The following RIMS2 variants were observed in gnomAD, a reference collection of about 807,000 sequenced individuals.
The protein encoded by RIMS2 is regulating synaptic membrane exocytosis 2, also known as regulating synaptic membrane exocytosis protein 2.
A neutral mutation model predicts 174.4 loss-of-function variants in RIMS2; 59 were observed. The ratio of observed to expected loss-of-function variants is 0.34; its 90% CI spans 0.27 to 0.42. The LOEUF (loss-of-function observed/expected upper bound fraction) is 0.42, where lower values mean the gene tolerates loss of function less well. Ranked by LOEUF, RIMS2 falls within the 10% of genes least tolerant of loss-of-function variation. The pLI, the probability that RIMS2 is intolerant of heterozygous loss-of-function variation, is 1.00. For missense variants in RIMS2, 1,620 were observed against 1,666.3 expected, an observed-to-expected ratio of 0.97 and a Z score of 0.48; for synonymous variants, 606 against 572.5, an observed-to-expected ratio of 1.06 and a Z score of -0.84.
Position 103,606,432 on chromosome 8 carries a change from A to C in RIMS2, c.177-90654A>C, listed in dbSNP as rs564791876. 2.0e-5 allele frequency among the ~76,000 whole-genome samples: 3 copies of C among 152,066 alleles called. No individual in the cohort carries two copies. The South Asian group carries it at 6.3e-4, about 32-fold the overall frequency. On this transcript the variant is annotated intron_variant, in intron 1 of 23. Coordinates refer to ENST00000504942, the Ensembl canonical transcript of RIMS2. The stretch of plus-strand genomic sequence containing the variant: ...AGCTTTACTTCCAAGTATGTGGTCA[A>C]TTTTGGAATAAGTGTGGTGTGGTGC...
intron 19 of RIMS2, among the ~76,000 whole-genome samples, chr8:104,031,693 A>G (rs2096396360): frequency 6.6e-6 from 1 of 152,124 alleles, no homozygotes; most frequent in Non-Finnish European, 1.5e-5. Context: ...TTACATGGGA[A>G]GACCAGCAGA....
chr8:104,124,258 ATG>A (rs889182664), intron 19 of RIMS2, among the ~76,000 whole-genome samples: 7 of 152,192 alleles, frequency 4.6e-5, no homozygotes, highest in Non-Finnish European at 1.0e-4. Flanking sequence ...AAAAAGGAAA[ATG>A]TGAATAGCTG....
chr8:103,761,688 G>A (rs997585259), intron 2 of RIMS2, among the ~76,000 whole-genome samples: 1 of 152,186 alleles, frequency 6.6e-6, no homozygotes, highest in African/African-American at 2.4e-5. Context: ...GAAATAAGTT[G>A]TTGAATAGCT....
intron 15 of RIMS2, among the ~76,000 whole-genome samples, chr8:103,968,276 T>G (rs1017761675): frequency 6.6e-6 from 1 of 152,208 alleles, no homozygotes; most frequent in Non-Finnish European, 1.5e-5. Flanking sequence ...GCCTCATTTT[T>G]TTAATCGAAT....
chr8:104,113,987 C>CTAT (rs1242324721), intron 19 of RIMS2, among the ~76,000 whole-genome samples: 1 of 151,716 alleles, frequency 6.6e-6, no homozygotes, highest in African/African-American at 2.4e-5. Context: ...TTTTCATAAT[C>CTAT]TATTTTGTAG....
chr8:104,000,572 C>T (rs1427203231), intron 17 of RIMS2, among the ~76,000 whole-genome samples: 2 of 151,684 alleles, frequency 1.3e-5, no homozygotes, highest in Non-Finnish European at 3.0e-5. Flanking sequence ...TGAATATATA[C>T]CTAGCAAAGG....
chr8:103,921,730 C>A, exon 10 of RIMS2: 1 of 1,580,942 alleles, frequency 6.3e-7, no homozygotes, highest in Non-Finnish European at 8.7e-7. Flanking sequence ...TTACCTCTCC[C>A]ATGAGTCCTG....
intron 4 of RIMS2, among the ~76,000 whole-genome samples, chr8:103,905,560 T>A (rs1229994646): frequency 6.6e-6 from 1 of 152,108 alleles, no homozygotes; most frequent in Non-Finnish European, 1.5e-5. Flanking sequence ...GTAACAGATA[T>A]CTTTGGGTAT....
chr8:104,191,297 A>C (rs2098996641), intron 19 of RIMS2, among the ~76,000 whole-genome samples: 1 of 152,082 alleles, frequency 6.6e-6, no homozygotes, highest in African/African-American at 2.4e-5. Context: ...CTCTTTCACA[A>C]AATATAGCTG....
At chr8:103,844,002 C>T (rs2098955064) in intron 3 of RIMS2, among the ~76,000 whole-genome samples, 2 of 152,236 alleles carry the variant, frequency 1.3e-5, no homozygotes, top group African/African-American at 2.4e-5. Context: ...ATAAGTCTCA[C>T]GAGATCTGGT....
intron 19 of RIMS2, among the ~76,000 whole-genome samples, chr8:104,157,689 G>A (rs1464672006): frequency 2.0e-5 from 3 of 152,084 alleles, no homozygotes; most frequent in East Asian, 1.9e-4. Flanking sequence ...GTATGTACAT[G>A]TATACACCAC....
chr8:104,206,192 CA>C (rs77854786), intron 19 of RIMS2, among the ~76,000 whole-genome samples: 1,952 of 152,202 alleles, frequency 0.013, 17 homozygotes, highest in South Asian at 0.041. Context: ...TTTGTTTTAT[CA>C]AAAGTCACAG....
intron 5 of RIMS2, 26 bp from the exon 9 acceptor site, chr8:103,912,027 T>C (rs370950557): frequency 4.6e-6 from 7 of 1,508,794 alleles, no homozygotes; most frequent in Non-Finnish European, 6.3e-6. Context: ...TATTTATTTA[T>C]TTTGTTTGTT....
chr8:103,559,636 T>C (rs2091258295), intron 1 of RIMS2, among the ~76,000 whole-genome samples: 1 of 152,202 alleles, frequency 6.6e-6, no homozygotes, highest in Non-Finnish European at 1.5e-5. Flanking sequence ...CAAGTCTCAT[T>C]ATAAGTTAAA....
intron 1 of RIMS2, among the ~76,000 whole-genome samples, chr8:103,622,041 A>T (rs1340846046): frequency 6.6e-6 from 1 of 152,190 alleles, no homozygotes; most frequent in East Asian, 1.9e-4. Context: ...ATTTTTTAAA[A>T]TTATCATTAA....
intron 1 of RIMS2, among the ~76,000 whole-genome samples, chr8:103,523,711 GT>G (rs1343082093): frequency 6.6e-6 from 1 of 152,026 alleles, no homozygotes; most frequent in African/African-American, 2.4e-5. Context: ...CAAACATGAA[GT>G]TTGGTTTGTG....
intron 1 of RIMS2, among the ~76,000 whole-genome samples, chr8:103,634,887 T>A (rs1027955509): frequency 1.3e-5 from 2 of 152,228 alleles, no homozygotes; most frequent in Non-Finnish European, 2.9e-5. Context: ...TTTTTCTTCA[T>A]CCCTTTATTC....
intron 1 of RIMS2, among the ~76,000 whole-genome samples, chr8:103,534,783 A>G (rs150006844): frequency 2.8e-4 from 42 of 152,310 alleles, no homozygotes; most frequent in African/African-American, 9.4e-4. Flanking sequence ...GAATTTTATC[A>G]ATAAGGGTTT....
chr8:103,630,577 T>C (rs1393773420), intron 1 of RIMS2, among the ~76,000 whole-genome samples: 2 of 88,294 alleles, frequency 2.3e-5, no homozygotes, highest in African/African-American at 1.1e-4. Context: ...CAAAACTCCA[T>C]CTCAAAAAAA....
Sources: allele counts gnomAD v4.1 joint callset (sites outside exome capture counted in the v4.1 genomes callset), GRCh38; gene constraint gnomAD v4.1.1; transcripts MANE v1.5; gene names NCBI Gene and HGNC (gene_info 2026-07-23, HGNC 2026-07-21).